PLB1: variants seen among roughly 807,000 people sequenced by gnomAD.
PLB1 encodes the protein phospholipase B1.
PLB1 carries 242 observed loss-of-function variants against 227.4 expected under a neutral mutation model. The ratio of observed to expected loss-of-function variants is 1.06; its 90% CI spans 0.96 to 1.18. The LOEUF (loss-of-function observed/expected upper bound fraction) is 1.18. PLB1 is among the 50% of genes most tolerant of loss of function. The pLI is 0.00. For missense variants in PLB1, 1,858 were observed against 1,816.3 expected (o/e 1.02, Z -0.42); for synonymous variants, 757 against 682.2 (o/e 1.11, Z -1.71).
At chr2:28,512,604 G>T (rs1379024888) in intron 1 of PLB1, among the ~76,000 whole-genome samples, 1 of 151,174 alleles carries the variant, frequency 6.6e-6, no homozygotes, top group Non-Finnish European at 1.5e-5. Context: ...TTAATAACTT[G>T]CCTGGACTTA....
chr2:28,571,649 T>C (rs943781331), intron 20 of PLB1, among the ~76,000 whole-genome samples: 40 of 152,224 alleles, frequency 2.6e-4, no homozygotes, highest in Non-Finnish European at 5.3e-4. Context: ...CTCATATTCA[T>C]GGTTAACTCA....
At position 28,605,915 on chromosome 2, in the gene PLB1, C is replaced by T. The variant is rs1684609186; in HGVS notation, c.3024C>T (p.His1008=). Residue 1008 remains histidine (H), a synonymous_variant, in exon 42 of 58, where the codon CAC becomes CAT. Transcript: ENST00000327757. ...PDCIHPNQKF[H]SQLARALWTN... is the part of the protein sequence containing the mutation. ...GCATCCACCCAAATCAGAAATTCCA[C>T]TCCCAGCTGGCCAGAGCCCTTTGGA... 1.2e-6 allele frequency: 2 copies of T among 1,613,746 alleles called. No individual in the cohort carries two copies. The highest frequency in any genetic ancestry group is 1.7e-5 in the Admixed American group (1 of 60,028).
At chr2:28,618,987 G>A (rs142277487) in intron 46 of PLB1, among the ~76,000 whole-genome samples, 106 of 152,260 alleles carry the variant, frequency 7.0e-4, no homozygotes, top group African/African-American at 2.5e-3. Context: ...AACAAGAAAC[G>A]TACACAGAAA....
At chr2:28,592,780 C>G in intron 32 of PLB1, 61 bp downstream of exon 32, 1 of 1,523,742 alleles carries the variant, frequency 6.6e-7, no homozygotes, top group Non-Finnish European at 9.0e-7. Context: ...GATCCCAGTC[C>G]TCTTAACTTA....
chr2:28,565,907 A>G (rs770649120), intron 19 of PLB1, among the ~76,000 whole-genome samples: 1 of 152,206 alleles, frequency 6.6e-6, no homozygotes, highest in Non-Finnish European at 1.5e-5. Flanking sequence ...TTTGCAGATG[A>G]GGAAACAAGG....
At chr2:28,582,005 GC>G in intron 23 of PLB1, 62 bp from the exon 24 acceptor site, 2 of 1,472,704 alleles carry the variant, frequency 1.4e-6, no homozygotes, top group Non-Finnish European at 9.5e-7. Context: ...AGAGAAAGTA[GC>G]CCTGTTCTGT....
chr2:28,620,532 T>G, intron 47 of PLB1, 68 bp from the exon 48 acceptor site: 1 of 1,549,724 alleles, frequency 6.5e-7, no homozygotes, highest in Non-Finnish European at 8.8e-7. Flanking sequence ...GGTTCTGGCT[T>G]GTGCATATGT....
chr2:28,553,048 G>A (rs2148224824), intron 17 of PLB1, 57 bp downstream of exon 17: 1 of 1,471,466 alleles, frequency 6.8e-7, no homozygotes, highest in Non-Finnish European at 9.5e-7. Context: ...AATCATCCAA[G>A]TAAGGGCTTT....
intron 1 of PLB1, among the ~76,000 whole-genome samples, chr2:28,511,532 G>C (rs549008335): frequency 6.6e-6 from 1 of 152,118 alleles, no homozygotes; most frequent in Non-Finnish European, 1.5e-5. Context: ...ACTGCCTTTT[G>C]CCTTCCATTG....
Position 28,604,726 on chromosome 2 carries a change from C to G in PLB1, c.2928C>G (p.Pro976=). Residue 976 remains proline, a synonymous_variant, in exon 41 of 58, where the codon CCC becomes CCG. Coordinates refer to ENST00000327757, the MANE Select transcript of PLB1 (RefSeq NM_153021.5). ...AGGACTTCTCTGTGGTGCTGCAGCCCTTCTTCCAGAACATCCAGCTCCCTG... is the reference window on the plus strand; with the variant it reads ...AGGACTTCTCTGTGGTGCTGCAGCCGTTCTTCCAGAACATCCAGCTCCCTG... The part of the protein sequence containing the change: ...TQEDFSVVLQ[P]FFQNIQLPVL... 6.2e-7 allele frequency: 1 copy of G among 1,614,184 alleles called. No homozygotes were observed. Among genetic ancestry groups the G allele is most frequent in the Non-Finnish European group, 8.5e-7 (1 of 1,180,008 alleles).
intron 56 of PLB1, among the ~76,000 whole-genome samples, chr2:28,634,304 C>A (rs1395107551): frequency 6.6e-6 from 1 of 152,184 alleles, no homozygotes; most frequent in South Asian, 2.1e-4. Flanking sequence ...ATTCCTGTTT[C>A]TTTTGTGGAT....
intron 43 of PLB1, among the ~76,000 whole-genome samples, chr2:28,608,679 T>C (rs1377751330): frequency 4.6e-5 from 7 of 152,232 alleles, no homozygotes; most frequent in African/African-American, 9.6e-5. Context: ...CCAGGGCAGC[T>C]GGCTGAACAC....
rs1283110335 is a variant in PLB1, at chr2:28,562,477, G to A, written c.1148-564G>A. Among the ~76,000 whole-genome samples, 12 of 125,400 alleles carry A rather than the reference G, an allele frequency of 9.6e-5. No individual in the cohort carries two copies. The East Asian group carries it at 9.7e-4, about 10-fold the overall frequency. 82.3% of individuals were successfully genotyped at this position (125,400 alleles called of 152,430 possible). A position where few individuals can be genotyped will look rare whatever the true frequency, so the allele number is the denominator to read the frequency against. ...GAACAGCTTGAACCTGGGAGGCGGAGGTTGTAGTGAGCCAAGATTGCACCA... is the reference window on the plus strand; with the variant it reads ...GAACAGCTTGAACCTGGGAGGCGGAAGTTGTAGTGAGCCAAGATTGCACCA... On this transcript the variant is annotated intron_variant, in intron 17 of 57. Coordinates refer to ENST00000327757, the MANE Select transcript of PLB1 (RefSeq NM_153021.5).
At chr2:28,596,974 T>A (rs112461362) in intron 33 of PLB1, among the ~76,000 whole-genome samples, 1 of 152,178 alleles carries the variant, frequency 6.6e-6, no homozygotes, top group Non-Finnish European at 1.5e-5. Flanking sequence ...TTAAAATCCA[T>A]TGGCCTGGGC....
intron 1 of PLB1, among the ~76,000 whole-genome samples, chr2:28,508,603 G>T (rs896825981): frequency 6.6e-6 from 1 of 152,178 alleles, no homozygotes; most frequent in Non-Finnish European, 1.5e-5. Context: ...ACCTTGTGCA[G>T]TGCAGCACAT....
intron 5 of PLB1, 33 bp downstream of exon 5, chr2:28,525,340 G>T: frequency 6.2e-7 from 1 of 1,603,612 alleles, no homozygotes; most frequent in Middle Eastern, 1.8e-4. Context: ...AAACAGAAAG[G>T]AGCCCGGAGA....
chr2:28,600,661 G>A (rs1683723511), intron 35 of PLB1, 148 bp from the exon 36 acceptor site: 1 of 700,004 alleles, frequency 1.4e-6, no homozygotes, highest in Middle Eastern at 2.5e-4. Context: ...TCCAGAAGAG[G>A]CAAGTCACTC....
chr2:28,528,375 CAACTT>C (rs1356309246), intron 6 of PLB1, among the ~76,000 whole-genome samples: 3 of 152,216 alleles, frequency 2.0e-5, no homozygotes, highest in African/African-American at 4.8e-5. Flanking sequence ...GAGCAAGACA[CAACTT>C]AACTGCTCCT....
chr2:28,575,459 C>T (rs896902483), intron 21 of PLB1, among the ~76,000 whole-genome samples: 1 of 152,186 alleles, frequency 6.6e-6, no homozygotes, highest in African/African-American at 2.4e-5. Context: ...TGACATCCTT[C>T]CAGCTCTCAG....
Sources: allele counts gnomAD v4.1 joint callset (sites outside exome capture counted in the v4.1 genomes callset), GRCh38; gene constraint gnomAD v4.1.1; transcripts MANE v1.5; gene names NCBI Gene and HGNC (gene_info 2026-07-23, HGNC 2026-07-21).